BBS4: variants seen among roughly 807,000 people sequenced by gnomAD.
The protein encoded by BBS4 is Bardet-Biedl syndrome 4.
In BBS4, 58 loss-of-function variants were observed where a neutral mutation model predicts 71.4. The ratio of observed to expected loss-of-function variants is 0.81; its 90% confidence interval spans 0.66 to 1.01. BBS4 has a LOEUF of 1.01. BBS4 is among the 50% of genes least tolerant of loss of function. The pLI is 0.00. For missense variants in BBS4, 660 were observed against 607.9 expected, an observed-to-expected ratio of 1.09 and a Z score of -0.90; for synonymous variants, 228 against 216.8, an observed-to-expected ratio of 1.05 and a Z score of -0.46.
chr15:72,715,730 C>T (rs1338697477), intron 5 of BBS4, among the ~76,000 whole-genome samples: 1 of 152,210 alleles, frequency 6.6e-6, no homozygotes, highest in Non-Finnish European at 1.5e-5. Context: ...TTCTCATCTA[C>T]TCTTCTAACA....
chr15:72,731,787 G>C (rs1252241466), intron 12 of BBS4, 61 bp downstream of exon 12: 2 of 1,594,796 alleles, frequency 1.3e-6, no homozygotes, highest in African/African-American at 2.7e-5. Flanking sequence ...AAATGGATTA[G>C]AATCATAGAA....
rs554025806 is a variant in BBS4, at chr15:72,706,842, T to A, written c.77-2858T>A. Among the ~76,000 whole-genome samples the A allele has an allele frequency of 1.9e-4, 29 of 152,218 alleles. 1 individual carries two copies. The South Asian group carries it at 5.4e-3, about 28-fold the overall frequency. On this transcript the variant is annotated intron_variant, in intron 2 of 15. Transcript: ENST00000268057. ...CAGCATTACTTCTTTTTTATTTTTT[T>A]AAAAAAATTAAATTTTTTGTTGAAA...
intron 2 of BBS4, among the ~76,000 whole-genome samples, chr15:72,702,528 A>G (rs1398139289): frequency 6.6e-6 from 1 of 150,866 alleles, no homozygotes; most frequent in Non-Finnish European, 1.5e-5. Flanking sequence ...AAGTAAAACC[A>G]TAATTAGCTA....
At chr15:72,713,644 T>C (rs528082610) in intron 4 of BBS4, among the ~76,000 whole-genome samples, 83 of 152,358 alleles carry the variant, frequency 5.4e-4, no homozygotes, top group Non-Finnish European at 1.0e-3. Context: ...GTTCTATATA[T>C]ATGTAATTGT....
chr15:72,719,140 T>C (rs2065518973), intron 6 of BBS4, among the ~76,000 whole-genome samples: 1 of 151,886 alleles, frequency 6.6e-6, no homozygotes, highest in South Asian at 2.1e-4. Context: ...GCATTCTCTA[T>C]GGGGGCCAGG....
At chr15:72,722,760 C>T in intron 6 of BBS4, 34 bp from the exon 7 acceptor site, 9 of 1,598,170 alleles carry the variant, frequency 5.6e-6, no homozygotes, top group Non-Finnish European at 7.7e-6. Context: ...TGGAATTACA[C>T]CTGAGTTGTT....
Position 72,737,962 on chromosome 15 carries a change from C to T in BBS4, c.*375C>T. The stretch of plus-strand genomic sequence containing the variant: ...TAGTTCAAGGAACAGCTGAGACAGA[C>T]CTCTGCTGAGTAGCTCTGTGATGAC... On this transcript the variant is annotated 3_prime_UTR_variant, in exon 16 of 16. Coordinates refer to ENST00000268057, the MANE Select transcript of BBS4 (RefSeq NM_033028.5). 1 of 455,064 alleles carries T rather than the reference C, an allele frequency of 2.2e-6. No homozygotes were observed. The highest frequency in any genetic ancestry group is 4.4e-6 in the Non-Finnish European group (1 of 227,468). The allele number at this position is 455,064 out of a possible 1,614,324, so 28.2% of individuals were successfully genotyped here.
chr15:72,727,457 G>A (rs939105467), intron 8 of BBS4, among the ~76,000 whole-genome samples: 2 of 150,440 alleles, frequency 1.3e-5, no homozygotes, highest in African/African-American at 4.9e-5. Flanking sequence ...TGGCTACTTG[G>A]TATAGCTCTT....
Position 72,715,399 on chromosome 15 carries a change from CTTTG to C in BBS4, c.331_332+2del. The C allele has an allele frequency of 6.2e-7, 1 of 1,611,590 alleles. No homozygotes were observed. The highest frequency in any genetic ancestry group is 8.5e-7 in the Non-Finnish European group (1 of 1,177,732). Reference sequence around the variant, plus strand: ...GATAACCTCAAGCAGGTGGCCAGATCTTTGTGAGTATTGGCAACCTGGAGGCCCT... The same window carrying C: ...GATAACCTCAAGCAGGTGGCCAGATCTGAGTATTGGCAACCTGGAGGCCCT... On this transcript the variant is annotated splice_donor_variant and coding_sequence_variant, in exon 5 of 16. Coordinates refer to ENST00000268057, the MANE Select transcript of BBS4 (RefSeq NM_033028.5). LOFTEE classifies it high-confidence loss of function.
chr15:72,736,358 C>T (rs1595954271), intron 14 of BBS4, among the ~76,000 whole-genome samples: 1 of 151,654 alleles, frequency 6.6e-6, no homozygotes, highest in Middle Eastern at 3.4e-3. Flanking sequence ...TCTCCTGCCT[C>T]AGCCTTCCAA....
chr15:72,696,378 A>T (rs2065076429), intron 2 of BBS4, among the ~76,000 whole-genome samples: 1 of 152,064 alleles, frequency 6.6e-6, no homozygotes, highest in Non-Finnish European at 1.5e-5. Context: ...CGTAGAGTAA[A>T]ATTCCCTTTT....
chr15:72,694,300 C>T (rs1242207554), intron 1 of BBS4, among the ~76,000 whole-genome samples: 2 of 151,844 alleles, frequency 1.3e-5, no homozygotes, highest in African/African-American at 4.8e-5. Context: ...AAGCCATTCT[C>T]CTGCCTCAGC....
chr15:72,706,384 C>T (rs191589307), intron 2 of BBS4, among the ~76,000 whole-genome samples: 1 of 152,268 alleles, frequency 6.6e-6, no homozygotes, highest in African/African-American at 2.4e-5. Context: ...GATCCACCTG[C>T]GTGGACCTCC....
chr15:72,698,534 T>C (rs75138886), intron 2 of BBS4, among the ~76,000 whole-genome samples: 2 of 152,326 alleles, frequency 1.3e-5, no homozygotes, highest in African/African-American at 4.8e-5. Context: ...ATTTTCAAGA[T>C]TCATTCATGT....
chr15:72,728,023 A>G, intron 9 of BBS4, 29 bp downstream of exon 9: 1 of 1,550,682 alleles, frequency 6.4e-7, no homozygotes, highest in South Asian at 1.1e-5. Context: ...TCATTCATGC[A>G]CTGATGTTAG....
intron 1 of BBS4, among the ~76,000 whole-genome samples, chr15:72,688,121 A>G (rs920305946): frequency 9.9e-5 from 15 of 151,652 alleles, no homozygotes; most frequent in Non-Finnish European, 1.6e-4. Context: ...GTAACATAAC[A>G]TTGCTACAAA....
intron 4 of BBS4, among the ~76,000 whole-genome samples, chr15:72,714,943 T>C (rs2065441910): frequency 6.6e-6 from 1 of 152,218 alleles, no homozygotes; most frequent in African/African-American, 2.4e-5. Flanking sequence ...TGGAAGTAAA[T>C]TATGATAAAT....
At chr15:72,732,143 A>G (rs899380588) in intron 12 of BBS4, among the ~76,000 whole-genome samples, 12 of 152,196 alleles carry the variant, frequency 7.9e-5, no homozygotes, top group Non-Finnish European at 1.6e-4. Context: ...CTCTCAATTA[A>G]TAATACTGGT....
At chr15:72,719,655 A>T (rs149660047) in intron 6 of BBS4, among the ~76,000 whole-genome samples, 1 of 152,150 alleles carries the variant, frequency 6.6e-6, no homozygotes, top group Non-Finnish European at 1.5e-5. Context: ...TAATCTATCC[A>T]GTTGGTTGAA....
Sources: gnomAD v4.1 joint callset for allele counts (sites outside exome capture counted in the v4.1 genomes callset) on GRCh38, gnomAD v4.1.1 for gene constraint, MANE v1.5 for transcripts, NCBI Gene and HGNC (gene_info 2026-07-23, HGNC 2026-07-21) for gene names.